Variants in CSMD1 observed in about 807,000 individuals in gnomAD.
The protein encoded by CSMD1 is CUB and Sushi multiple domains 1, also known as CUB and sushi domain-containing protein 1.
In CSMD1, 213 loss-of-function variants were observed where a neutral mutation model predicts 417.5. The ratio of observed to expected loss-of-function variants is 0.51; its 90% CI spans 0.46 to 0.57. The LOEUF is 0.57. Among genes scored for constraint, CSMD1 ranks in the 20% least tolerant of loss-of-function variants. CSMD1 has a pLI of 0.00. For missense variants in CSMD1, 6,923 were observed against 4,529.7 expected, an observed-to-expected ratio of 1.53 and a Z score of -15.17; for synonymous variants, 2,862 against 1,736.8, an observed-to-expected ratio of 1.65 and a Z score of -16.11.
intron 7 of CSMD1, among the ~76,000 whole-genome samples, chr8:3,618,853 G>A (rs1432949477): frequency 6.6e-6 from 1 of 152,190 alleles, no homozygotes; most frequent in East Asian, 1.9e-4. Flanking sequence ...AAGCGGCCCA[G>A]TGACCAGTTT....
At position 3,175,490 on chromosome 8, in the gene CSMD1, TG is replaced by T. The variant is rs1563111588; in HGVS notation, c.5725+5619del. 3.0e-4 allele frequency among the ~76,000 whole-genome samples: 29 copies of T among 97,426 alleles called. No homozygotes were observed. The South Asian group carries it at 3.5e-3, about 12-fold the overall frequency. 63.9% of individuals were successfully genotyped at this position (97,426 alleles called of 152,430 possible). A position where few individuals can be genotyped will look rare whatever the true frequency, so the allele number is the denominator to read the frequency against. ...TCCTTCTTTTCCCTTCCTTCCTGCC[TG>T]CCTGCCTGCCTGCCTGCCTTTTTTC... is the stretch of plus-strand genomic sequence containing the variant. On this transcript the variant is annotated intron_variant, in intron 37 of 69. Transcript: ENST00000635120.
rs535778006 is a variant in CSMD1, at chr8:4,697,253, G to C, written c.86-59695C>G. On this transcript the variant is annotated intron_variant, in intron 1 of 69. Coordinates refer to ENST00000635120, the MANE Select transcript of CSMD1 (RefSeq NM_033225.6). ...TTCTAGAACAGAACCTTGCTGTAAA[G>C]GCCCTTAGAACATATAGCAAGACAA... Among the ~76,000 whole-genome samples, 4 of 152,120 alleles carry C rather than the reference G, an allele frequency of 2.6e-5. No homozygotes were observed. In the South Asian group the frequency reaches 8.3e-4, roughly 32 times the overall value.
intron 5 of CSMD1, among the ~76,000 whole-genome samples, chr8:3,981,412 G>A (rs1294378586): frequency 6.6e-6 from 1 of 150,532 alleles, no homozygotes; most frequent in Admixed American, 6.7e-5. Flanking sequence ...CTTAGGTGAT[G>A]GGTGCACCAG....
At chr8:4,480,583 G>C (rs762017991) in intron 2 of CSMD1, among the ~76,000 whole-genome samples, 2 of 152,138 alleles carry the variant, frequency 1.3e-5, no homozygotes, top group South Asian at 2.1e-4. Flanking sequence ...GCACGGTTTA[G>C]CTTCACCTTA....
At chr8:3,347,848 C>G (rs960466058) in intron 22 of CSMD1, 144 bp downstream of exon 22, 1 of 559,790 alleles carries the variant, frequency 1.8e-6, no homozygotes, top group Non-Finnish European at 2.9e-6. Flanking sequence ...CCTTCTCAAA[C>G]TCATTGTGTA....
At chr8:4,557,591 T>C (rs1798151536) in intron 2 of CSMD1, among the ~76,000 whole-genome samples, 1 of 151,862 alleles carries the variant, frequency 6.6e-6, no homozygotes, top group Non-Finnish European at 1.5e-5. Flanking sequence ...AAAATGTGTG[T>C]GTGTTTTGGG....
At chr8:3,460,617 C>T (rs1421665090) in intron 12 of CSMD1, among the ~76,000 whole-genome samples, 1 of 152,040 alleles carries the variant, frequency 6.6e-6, no homozygotes, top group African/African-American at 2.4e-5. Flanking sequence ...TGAAGATAAA[C>T]AGGAGGGATG....
chr8:4,063,661 G>T (rs1244294068), intron 3 of CSMD1, among the ~76,000 whole-genome samples: 2 of 152,166 alleles, frequency 1.3e-5, no homozygotes, highest in Non-Finnish European at 2.9e-5. Context: ...CTCCCTGAGG[G>T]GCATTCTACC....
chr8:4,023,940 AG>A (rs1796927707), intron 4 of CSMD1, among the ~76,000 whole-genome samples: 3 of 151,804 alleles, frequency 2.0e-5, no homozygotes. Context: ...TTTTACAAGC[AG>A]ACTTTAGATA....
In CSMD1 at chr8:4,660,115, A is replaced by AAG. The variant is rs1491453771; in HGVS notation, c.86-22558_86-22557insCT. Among the ~76,000 whole-genome samples, 16 of 23,408 alleles carry AAG rather than the reference A, an allele frequency of 6.8e-4. No individual in the cohort carries two copies. The Middle Eastern group carries it at 0.048, about 71-fold the overall frequency. The allele number at this position is 23,408 out of a possible 152,430, so 15.4% of individuals were successfully genotyped here. ...ATAATTGGGAGTTCTCAACCAGTGC[A>AAG]AAAAAAAAAAAAAAGGAACGAAATA... On this transcript the variant is annotated intron_variant, in intron 1 of 69. Coordinates refer to ENST00000635120, the MANE Select transcript of CSMD1 (RefSeq NM_033225.6).
At chr8:3,271,253 T>A (rs1336316514) in intron 26 of CSMD1, among the ~76,000 whole-genome samples, 1 of 152,070 alleles carries the variant, frequency 6.6e-6, no homozygotes, top group African/African-American at 2.4e-5. Context: ...ACAAAGCACA[T>A]GAACTCATCA....
intron 3 of CSMD1, among the ~76,000 whole-genome samples, chr8:4,109,617 C>G (rs1419675492): frequency 6.6e-6 from 1 of 152,166 alleles, no homozygotes; most frequent in African/African-American, 2.4e-5. Flanking sequence ...TTGTTGGAAT[C>G]AAAAGCTCTA....
chr8:4,309,287 A>AAT (rs1798428458), intron 3 of CSMD1, among the ~76,000 whole-genome samples: 1 of 152,148 alleles, frequency 6.6e-6, no homozygotes, highest in Admixed American at 6.6e-5. Flanking sequence ...CTTCAGATAC[A>AAT]ATATAATTGC....
chr8:4,038,083 C>T (rs906950035), intron 3 of CSMD1, among the ~76,000 whole-genome samples: 1 of 151,968 alleles, frequency 6.6e-6, no homozygotes, highest in Non-Finnish European at 1.5e-5. Flanking sequence ...AGTAAAATAA[C>T]TCAGCAAATG....
chr8:4,885,705 TAA>T (rs1392336292), intron 1 of CSMD1, among the ~76,000 whole-genome samples: 2 of 151,540 alleles, frequency 1.3e-5, no homozygotes, highest in East Asian at 3.9e-4. Flanking sequence ...AGAGATATAA[TAA>T]AGATATACTT....
At chr8:3,459,435 C>G (rs766183992) in intron 12 of CSMD1, among the ~76,000 whole-genome samples, 2 of 152,196 alleles carry the variant, frequency 1.3e-5, no homozygotes, top group Non-Finnish European at 2.9e-5. Context: ...GGAATATGCA[C>G]TTTTAAGCCC....
At chr8:3,794,335 G>T (rs7017361) in intron 5 of CSMD1, among the ~76,000 whole-genome samples, 87,343 of 151,898 alleles carry the variant, frequency 0.58, 26,671 homozygotes, top group Non-Finnish European at 0.68. Context: ...TTTTTAAGCT[G>T]AGTAAACATA....
intron 1 of CSMD1, among the ~76,000 whole-genome samples, chr8:4,758,765 G>A (rs886763440): frequency 6.6e-6 from 1 of 152,136 alleles, no homozygotes; most frequent in Admixed American, 6.5e-5. Context: ...GATCTGGTGA[G>A]AAGTCCCTCA....
At chr8:4,766,061 T>C (rs912643587) in intron 1 of CSMD1, among the ~76,000 whole-genome samples, 2 of 152,228 alleles carry the variant, frequency 1.3e-5, no homozygotes, top group African/African-American at 4.8e-5. Context: ...TGTGGAAATC[T>C]AGCTAGAAGA....
Sources: allele counts gnomAD v4.1 joint callset (sites outside exome capture counted in the v4.1 genomes callset), GRCh38; gene constraint gnomAD v4.1.1; transcripts MANE v1.5; gene names NCBI Gene and HGNC (gene_info 2026-07-23, HGNC 2026-07-21).